The following SETD5 variants were observed in gnomAD, a reference collection of about 807,000 sequenced individuals.
SETD5 encodes the protein histone-lysine N-methyltransferase SETD5.
In SETD5, 44 loss-of-function variants were observed where a neutral mutation model predicts 153.3. The observed-to-expected ratio is 0.29, with a 90% CI of 0.23 to 0.37. SETD5 has a LOEUF of 0.37. Ranked by LOEUF, SETD5 falls within the 10% of genes least tolerant of loss-of-function variation. The pLI is 1.00. For synonymous variants in SETD5, 716 were observed against 645.2 expected, an observed-to-expected ratio of 1.11 and a Z score of -1.66; for missense variants, 1,544 against 1,768.0, an observed-to-expected ratio of 0.87 and a Z score of 2.27.
At chr3:9,448,765 G>C in intron 16 of SETD5, 135 bp downstream of exon 16, 1 of 843,046 alleles carries the variant, frequency 1.2e-6, no homozygotes, top group Non-Finnish European at 1.8e-6. Context: ...TTTATAATGA[G>C]TTAGTTGTTC....
At chr3:9,474,315 CGTT>C in intron 20 of SETD5, 131 bp from the exon 21 acceptor site, 1 of 935,940 alleles carries the variant, frequency 1.1e-6, no homozygotes, top group Non-Finnish European at 1.5e-6. Context: ...AGAGGAAATA[CGTT>C]GTTTTAAATT....
At position 9,445,681 on chromosome 3, in the gene SETD5, C is replaced by T. The variant is rs751244307; in HGVS notation, c.1465C>T (p.Pro489Ser). The change falls in exon 13 of 23, where the codon CCA (proline) becomes TCA (serine). Residue 489 changes from proline (P) to serine (S), a missense_variant. By Grantham distance (74) the Pro-to-Ser change is moderately conservative. This residue lies in a region of SETD5 where 782 missense variants were observed against 787.2 expected (regional missense o/e 0.99). Coordinates refer to ENST00000402198, the MANE Select transcript of SETD5 (RefSeq NM_001080517.3). ...HEEVDNPEEK[P>S]EEEKEEVIDD... ...GGAAGTAGACAATCCAGAAGAAAAA[C>T]CAGAAGAAGAGAAAGAAGAGGTTAT... 1.2e-6 allele frequency: 2 copies of T among 1,613,502 alleles called. No homozygotes were observed. The highest frequency in any genetic ancestry group is 2.2e-5 in the East Asian group (1 of 44,850).
chr3:9,445,704 T>G lies in SETD5; in HGVS notation c.1488T>G (p.Val496=), dbSNP rs1260509662. The change falls in exon 13 of 23, where the codon GTT becomes GTG. Residue 496 remains valine, a synonymous_variant. Coordinates refer to ENST00000402198, the MANE Select transcript of SETD5 (RefSeq NM_001080517.3). ...EEKPEEEKEE[V]IDDQENLAHS... ...AACCAGAAGAAGAGAAAGAAGAGGT[T>G]ATAGATGACCAGGAGAACCTAGCTC... 2 of 1,613,644 alleles carry G rather than the reference T, an allele frequency of 1.2e-6. No homozygotes were observed. Among genetic ancestry groups the G allele is most frequent in the Non-Finnish European group, 1.7e-6 (2 of 1,179,708 alleles).
At position 9,477,991 on chromosome 3, in the gene SETD5, G is replaced by T. The variant is rs1000015198; in HGVS notation, c.*1900G>T. 1 of 151,176 alleles carries T rather than the reference G, an allele frequency of 6.6e-6. No homozygotes were observed. The highest frequency in any genetic ancestry group is 2.4e-5 in the African/African-American group (1 of 41,106). The allele number at this position is 151,176 out of a possible 1,614,324, so 9.4% of individuals were successfully genotyped here. A position where few individuals can be genotyped will look rare whatever the true frequency, so the allele number is the denominator to read the frequency against. ...GGGTGCTGTCAAGACCAGACCTCTT[G>T]GGGGGGTAGGGGCGGGGGGGTGGGG... On this transcript the variant is annotated 3_prime_UTR_variant, in exon 23 of 23. Coordinates refer to ENST00000402198, the MANE Select transcript of SETD5 (RefSeq NM_001080517.3).
intron 17 of SETD5, among the ~76,000 whole-genome samples, chr3:9,464,050 C>T (rs1392967813): frequency 6.6e-6 from 1 of 152,176 alleles, no homozygotes; most frequent in African/African-American, 2.4e-5. Flanking sequence ...ATCACTTGAA[C>T]CCGGGAGACG....
intron 1 of SETD5, among the ~76,000 whole-genome samples, chr3:9,421,028 C>T (rs765134159): frequency 6.6e-6 from 1 of 152,000 alleles, no homozygotes; most frequent in Non-Finnish European, 1.5e-5. Context: ...AATGCTGTTC[C>T]ATGTGCTCCT....
rs747960412 is a variant in SETD5, at chr3:9,464,495, G to A, written c.2547G>A (p.Arg849=). 8 of 1,613,832 alleles carry A rather than the reference G, an allele frequency of 5.0e-6. No individual in the cohort carries two copies. Among genetic ancestry groups the A allele is most frequent in the Non-Finnish European group, 6.8e-6 (8 of 1,179,872 alleles). ...LMEQNVTKLL[R]PLSPVTPPPP... ...AGCAGAATGTCACCAAGTTACTTCGGCCTCTGTCTCCAGTCACACCACCCC... is the reference window on the plus strand; with the variant it reads ...AGCAGAATGTCACCAAGTTACTTCGACCTCTGTCTCCAGTCACACCACCCC... The change falls in exon 18 of 23, where the codon CGG becomes CGA. Residue 849 remains arginine, a synonymous_variant. Coordinates refer to ENST00000402198, the MANE Select transcript of SETD5 (RefSeq NM_001080517.3).
chr3:9,456,597 C>A (rs540078140), intron 17 of SETD5, among the ~76,000 whole-genome samples: 1 of 151,980 alleles, frequency 6.6e-6, no homozygotes, highest in East Asian at 1.9e-4. Context: ...AATATAGTAT[C>A]AGGCCCATAA....
intron 3 of SETD5, chr3:9,432,320 A>T: frequency 1.0e-6 from 1 of 984,740 alleles, no homozygotes; most frequent in Non-Finnish European, 1.2e-6. Context: ...GGAGCATATA[A>T]CTGGGTGAGT....
chr3:9,443,650 C>T (rs1559421416), intron 11 of SETD5, among the ~76,000 whole-genome samples: 1 of 152,112 alleles, frequency 6.6e-6, no homozygotes, highest in Non-Finnish European at 1.5e-5. Context: ...GAAGTGTTTT[C>T]GCTTATGCCT....
chr3:9,454,022 A>C, intron 17 of SETD5, 154 bp downstream of exon 17: 9 of 846,408 alleles, frequency 1.1e-5, no homozygotes, highest in African/African-American at 1.7e-5. Context: ...GAGAGATCTC[A>C]AGTCAGGGAT....
At chr3:9,471,340 T>C (rs2045276978) in intron 19 of SETD5, among the ~76,000 whole-genome samples, 1 of 152,174 alleles carries the variant, frequency 6.6e-6, no homozygotes, top group South Asian at 2.1e-4. Context: ...ACACAGCTAG[T>C]AAATGGAAGG....
chr3:9,402,125 A>G (rs2034879362), intron 1 of SETD5, among the ~76,000 whole-genome samples: 1 of 152,170 alleles, frequency 6.6e-6, no homozygotes, highest in African/African-American at 2.4e-5. Flanking sequence ...TTGTCTATAT[A>G]CATTTTGTTA....
intron 7 of SETD5, among the ~76,000 whole-genome samples, chr3:9,437,549 G>GTA (rs1446344820): frequency 4.0e-5 from 6 of 151,424 alleles, no homozygotes; most frequent in Non-Finnish European, 8.8e-5. Context: ...GTGTGTGTGT[G>GTA]TATAAATATA....
chr3:9,440,720 A>G, intron 8 of SETD5, 22 bp downstream of exon 8: 1 of 1,606,722 alleles, frequency 6.2e-7, no homozygotes, highest in African/African-American at 1.3e-5. Flanking sequence ...AGGGTTGAGG[A>G]CTCTCTAAGT....
At chr3:9,409,773 C>T (rs1463668305) in intron 1 of SETD5, among the ~76,000 whole-genome samples, 1 of 152,142 alleles carries the variant, frequency 6.6e-6, no homozygotes, top group Non-Finnish European at 1.5e-5. Context: ...AAAAATATCA[C>T]TTGGTATTTT....
At chr3:9,404,465 C>G (rs1166601495) in intron 1 of SETD5, among the ~76,000 whole-genome samples, 1 of 152,110 alleles carries the variant, frequency 6.6e-6, no homozygotes, top group African/African-American at 2.4e-5. Flanking sequence ...AGTAAAATAG[C>G]AACAGCATTA....
intron 16 of SETD5, chr3:9,449,356 T>C (rs2042374051): frequency 6.6e-6 from 1 of 152,192 alleles, no homozygotes; most frequent in African/African-American, 2.4e-5. Flanking sequence ...CTCTTAGGAA[T>C]AGATCACTCC....
intron 12 of SETD5, 52 bp downstream of exon 12, chr3:9,445,352 A>G (rs769906943): frequency 6.4e-7 from 1 of 1,570,306 alleles, no homozygotes; most frequent in African/African-American, 1.4e-5. Flanking sequence ...CTCCAAAGGA[A>G]GAGGAACCCG....
Sources: allele counts gnomAD v4.1 joint callset (sites outside exome capture counted in the v4.1 genomes callset), GRCh38; gene constraint gnomAD v4.1.1; regional missense constraint gnomAD v4.1.1; transcripts MANE v1.5; gene names NCBI Gene and HGNC (gene_info 2026-07-23, HGNC 2026-07-21).